TTC9C: variants seen among roughly 807,000 people sequenced by gnomAD.
The protein encoded by TTC9C is tetratricopeptide repeat domain 9C.
In TTC9C, 15 loss-of-function variants were observed where a neutral mutation model predicts 22.5. That is an observed-to-expected ratio of 0.67 (90% CI 0.45 to 1.03). The LOEUF is 1.03. TTC9C is among the 50% of genes least tolerant of loss of function. The probability of loss-of-function intolerance (pLI) is 0.00; values close to 1 mark genes in which losing one functional copy is unlikely to be tolerated. For missense variants in TTC9C, 244 were observed against 214.6 expected (o/e 1.14, Z -0.86); for synonymous variants, 92 against 86.8 (o/e 1.06, Z -0.33).
Position 62,729,072 on chromosome 11 carries a change from A to AT in TTC9C, c.225dup (p.Asn76Ter). On this transcript the variant is annotated frameshift_variant, in exon 1 of 3. Coordinates refer to ENST00000316461, the MANE Select transcript of TTC9C (RefSeq NM_173810.4). LOFTEE classifies it high-confidence loss of function. The stretch of plus-strand genomic sequence containing the variant: ...TTGCATACCACCCAGACAGACTGCT[A>AT]TAACAATCTAGCTGGTAAGAACGGG... 2.5e-6 allele frequency: 4 copies of AT among 1,614,108 alleles called. No individual in the cohort carries two copies. The highest frequency in any genetic ancestry group is 2.5e-6 in the Non-Finnish European group (3 of 1,179,968).
intron 2 of TTC9C, 76 bp from the exon 3 acceptor site, chr11:62,738,212 C>A: frequency 1.2e-6 from 1 of 864,372 alleles, no homozygotes; most frequent in Non-Finnish European, 1.8e-6. Flanking sequence ...TGTTAACATT[C>A]TCTCCTGCCA....
chr11:62,729,078 A>G lies in TTC9C; in HGVS notation c.230A>G (p.Asn77Ser). 6.2e-7 allele frequency: 1 copy of G among 1,613,756 alleles called. No homozygotes were observed. Among genetic ancestry groups the G allele is most frequent in the South Asian group, 1.1e-5 (1 of 91,066 alleles). Reference sequence around the variant, plus strand: ...ACCACCCAGACAGACTGCTATAACAATCTAGCTGGTAAGAACGGGGCTAAA... The same window carrying G: ...ACCACCCAGACAGACTGCTATAACAGTCTAGCTGGTAAGAACGGGGCTAAA... ...LHTTQTDCYN[N>S]LAACLLQMEP... is the part of the protein sequence containing the mutation. Residue 77 changes from asparagine (N) to serine (S), a missense_variant, in exon 1 of 3, where the codon AAT becomes AGT. By Grantham distance (46) the Asn-to-Ser change is conservative. Coordinates refer to ENST00000316461, the MANE Select transcript of TTC9C (RefSeq NM_173810.4).
chr11:62,731,641 A>G (rs928659828), intron 1 of TTC9C, among the ~76,000 whole-genome samples: 16 of 150,786 alleles, frequency 1.1e-4, no homozygotes, highest in Non-Finnish European at 1.6e-4. Flanking sequence ...AGCAAACAGC[A>G]CTCTGACTTC....
At chr11:62,735,717 G>A (rs770975365) in intron 2 of TTC9C, 153 bp downstream of exon 2, 113 of 1,342,012 alleles carry the variant, frequency 8.4e-5, no homozygotes, top group Non-Finnish European at 1.1e-4. Flanking sequence ...AGTATACGAT[G>A]AACAGACCTT....
rs777821486 is a variant in TTC9C at position 62,728,775 on chromosome 11, TTA to T, written c.-72_-71del. 1 of 1,474,174 alleles carries T rather than the reference TTA, an allele frequency of 6.8e-7. No homozygotes were observed. Among genetic ancestry groups the T allele is most frequent in the Non-Finnish European group, 9.5e-7 (1 of 1,056,054 alleles). The allele number at this position is 1,474,174 out of a possible 1,614,324, so 91.3% of individuals were successfully genotyped here. A position where few individuals can be genotyped will look rare whatever the true frequency, so the allele number is the denominator to read the frequency against. On this transcript the variant is annotated 5_prime_UTR_variant, in exon 1 of 3. Transcript: ENST00000316461. ...TCCTTAAATTGGCTGCTACTGTCAG[TTA>T]TTTTGCTCCCAACCCCAGAGCTTCA...
In TTC9C at chr11:62,728,546, C is replaced by T. The variant is rs775129716; in HGVS notation, c.-303C>T. The T allele has an allele frequency of 1.9e-5, 10 of 517,242 alleles. No homozygotes were observed. The highest frequency in any genetic ancestry group is 7.7e-5 in the South Asian group (5 of 65,076). 32.0% of individuals were successfully genotyped at this position (517,242 alleles called of 1,614,324 possible). On this transcript the variant is annotated 5_prime_UTR_variant, in exon 1 of 3. Transcript: ENST00000316461. ...TGAGTAGGGCCTTGCTTGAGTTCTT[C>T]GGAAAGTCTCATCCACCCCCACATC...
chr11:62,738,084 G>A (rs1303751812), intron 2 of TTC9C, among the ~76,000 whole-genome samples: 1 of 147,258 alleles, frequency 6.8e-6, no homozygotes, highest in East Asian at 2.0e-4. Flanking sequence ...ATAAAAATTA[G>A]CAGCCGGGAC....
At chr11:62,735,860 C>A in intron 2 of TTC9C, 1 of 187,818 alleles carries the variant, frequency 5.3e-6, no homozygotes, top group Non-Finnish European at 1.1e-5. Flanking sequence ...TATGCCTATT[C>A]TAATATATAA....
intron 2 of TTC9C, among the ~76,000 whole-genome samples, chr11:62,738,075 T>A (rs966039676): frequency 6.7e-6 from 1 of 149,896 alleles, no homozygotes; most frequent in Admixed American, 6.6e-5. Flanking sequence ...AATAAATAAA[T>A]AAAAATTAGC....
chr11:62,735,548 G>T lies in TTC9C; in HGVS notation c.405G>T (p.Val135=). Residue 135 remains valine, a synonymous_variant, in exon 2 of 3, where the codon GTG becomes GTT. Transcript: ENST00000316461. ...CCCGCCACTACCTCCTGGCTGCCGTGAATAGGCAGCCTAAAGGTAAGCAAG... is the reference window on the plus strand; with the variant it reads ...CCCGCCACTACCTCCTGGCTGCCGTTAATAGGCAGCCTAAAGGTAAGCAAG... ...DQARHYLLAA[V]NRQPKDANVR... 1 of 1,613,292 alleles carries T rather than the reference G, an allele frequency of 6.2e-7. No homozygotes were observed. The highest frequency in any genetic ancestry group is 1.1e-5 in the South Asian group (1 of 91,032).
intron 1 of TTC9C, chr11:62,733,218 C>T: frequency 8.1e-7 from 1 of 1,241,104 alleles, no homozygotes; most frequent in Non-Finnish European, 1.0e-6. Flanking sequence ...TTCAAGGTCC[C>T]ATTAAGTCAT....
chr11:62,736,413 G>A (rs2083913050), intron 2 of TTC9C, among the ~76,000 whole-genome samples: 2 of 152,024 alleles, frequency 1.3e-5, no homozygotes, highest in South Asian at 4.1e-4. Flanking sequence ...AGCCGGGTGT[G>A]GCCGGGCGCA....
chr11:62,733,609 A>G (rs959010219), intron 1 of TTC9C, among the ~76,000 whole-genome samples: 1 of 147,580 alleles, frequency 6.8e-6, no homozygotes, highest in Non-Finnish European at 1.5e-5. Context: ...AATTTATCTA[A>G]TTTTTTTTTT....
In TTC9C at chr11:62,735,421, T is replaced by C. The variant is rs1166978755; in HGVS notation, c.278T>C (p.Val93Ala). The C allele has an allele frequency of 6.2e-7, 1 of 1,613,684 alleles. No individual in the cohort carries two copies. The change falls in exon 2 of 3, where the codon GTG becomes GCG. Residue 93 changes from valine to alanine, a missense_variant. Transcript: ENST00000316461. ...LQMEPVNYER[V>A]REYSQKVLER... is the part of the protein sequence containing the mutation. ...ATGGAGCCCGTGAACTACGAACGAGTGAGAGAATATAGTCAGAAAGTCCTG... is the reference window on the plus strand; with the variant it reads ...ATGGAGCCCGTGAACTACGAACGAGCGAGAGAATATAGTCAGAAAGTCCTG...
In TTC9C at chr11:62,738,423, CA is replaced by C; in HGVS notation, c.*42del. ...CTCCTCCAGTTGAACTTAGGTGGAC[CA>C]TTAAACATGCATGAAGGAGAAATCT... is the stretch of plus-strand genomic sequence containing the variant. On this transcript the variant is annotated 3_prime_UTR_variant, in exon 3 of 3. Coordinates refer to ENST00000316461, the MANE Select transcript of TTC9C (RefSeq NM_173810.4). 1 of 1,336,482 alleles carries C rather than the reference CA, an allele frequency of 7.5e-7. No homozygotes were observed. The highest frequency in any genetic ancestry group is 1.1e-6 in the Non-Finnish European group (1 of 938,558). 82.8% of individuals were successfully genotyped at this position (1,336,482 alleles called of 1,614,324 possible).
At chr11:62,729,990 A>C (rs1042967929) in intron 1 of TTC9C, among the ~76,000 whole-genome samples, 1 of 152,210 alleles carries the variant, frequency 6.6e-6, no homozygotes, top group Non-Finnish European at 1.5e-5. Flanking sequence ...AGGGACATTT[A>C]ATATTTGTGA....
chr11:62,728,620 C>G lies in TTC9C; in HGVS notation c.-229C>G, dbSNP rs1183157164. Reference sequence around the variant, plus strand: ...GTTGGGCTTCATTATTCCCACATCCCTTTCCTTACTACTTGCCTGCACTTC... The same window carrying G: ...GTTGGGCTTCATTATTCCCACATCCGTTTCCTTACTACTTGCCTGCACTTC... On this transcript the variant is annotated 5_prime_UTR_variant, in exon 1 of 3. Coordinates refer to ENST00000316461, the MANE Select transcript of TTC9C (RefSeq NM_173810.4). 1.5e-6 allele frequency: 1 copy of G among 663,720 alleles called. No individual in the cohort carries two copies. The highest frequency in any genetic ancestry group is 1.5e-5 in the South Asian group (1 of 66,416). The allele number at this position is 663,720 out of a possible 1,614,324, so 41.1% of individuals were successfully genotyped here. A position where few individuals can be genotyped will look rare whatever the true frequency, so the allele number is the denominator to read the frequency against.
At chr11:62,733,099 C>T in intron 1 of TTC9C, 1 of 1,262,560 alleles carries the variant, frequency 7.9e-7, no homozygotes, top group Non-Finnish European at 1.0e-6. Context: ...TTTAATAATA[C>T]TATGTTTAAT....
chr11:62,729,459 C>T (rs2083819985), intron 1 of TTC9C, among the ~76,000 whole-genome samples: 1 of 151,194 alleles, frequency 6.6e-6, no homozygotes, highest in South Asian at 2.1e-4. Flanking sequence ...AGTGCACTGG[C>T]GCGGTCTGGG....
Sources: gnomAD v4.1 joint callset for allele counts (sites outside exome capture counted in the v4.1 genomes callset) on GRCh38, gnomAD v4.1.1 for gene constraint, MANE v1.5 for transcripts, NCBI Gene and HGNC (gene_info 2026-07-23, HGNC 2026-07-21) for gene names.